Variants in LARGE1 observed in about 807,000 individuals in gnomAD.
The protein encoded by LARGE1 is LARGE xylosyl- and glucuronyltransferase 1.
In LARGE1, 43 loss-of-function variants were observed where a neutral mutation model predicts 87.6. The observed-to-expected ratio is 0.49, with a 90% CI of 0.38 to 0.63. The LOEUF is 0.63. Among genes scored for constraint, LARGE1 ranks in the 30% least tolerant of loss-of-function variants. The pLI is 0.00. For synonymous variants in LARGE1, 434 were observed against 394.6 expected, an observed-to-expected ratio of 1.10 and a Z score of -1.18; for missense variants, 802 against 1,000.2, an observed-to-expected ratio of 0.80 and a Z score of 2.67.
At chr22:33,092,927 T>G in the LARGE1 span, among the ~76,000 whole-genome samples, 46 of 152,208 alleles carry the variant, frequency 3.0e-4, no homozygotes, top group Non-Finnish European at 8.8e-5. Context: ...AGTGCTGCAG[T>G]GAACATATGC....
rs1922833243 is a variant in LARGE1, at chr22:33,175,770, C to CCATTGA, written c.1731-8944_1731-8939dup. 5.3e-5 allele frequency among the ~76,000 whole-genome samples: 8 copies of CCATTGA among 152,282 alleles called. No individual in the cohort carries two copies. The South Asian group carries it at 1.7e-3, about 32-fold the overall frequency. On this transcript the variant is annotated intron_variant, in intron 11 of 11. Transcript: ENST00000608642. ...ATTCAATGCTATCCCCATCAAGTTA[C>CCATTGA]CATTGACTTTTTTCACAGAATTGGA...
At chr22:33,502,397 T>C (rs932520789) in intron 6 of LARGE1, among the ~76,000 whole-genome samples, 4 of 152,046 alleles carry the variant, frequency 2.6e-5, no homozygotes, top group Non-Finnish European at 2.9e-5. Context: ...GGGAGAATTA[T>C]TTGCTCTGAA....
chr22:33,688,554 T>C (rs1317075604), intron 2 of LARGE1, among the ~76,000 whole-genome samples: 1 of 152,184 alleles, frequency 6.6e-6, no homozygotes, highest in Non-Finnish European at 1.5e-5. Context: ...TTTCTCCATG[T>C]TGTTCATGTT....
At chr22:33,320,885 T>C (rs1345232345) in intron 10 of LARGE1, 1 of 152,184 alleles carries the variant, frequency 6.6e-6, no homozygotes, top group Non-Finnish European at 1.5e-5. Flanking sequence ...CATCCAACAG[T>C]TGAGAAGGGT....
chr22:33,233,545 A>G (rs926621531), intron 11 of LARGE1, among the ~76,000 whole-genome samples: 17 of 152,024 alleles, frequency 1.1e-4, no homozygotes, highest in Non-Finnish European at 2.5e-4. Flanking sequence ...GGGGCCTCAG[A>G]CCATGGAGAA....
intron 5 of LARGE1, among the ~76,000 whole-genome samples, chr22:33,565,461 A>C (rs553607615): frequency 2.4e-4 from 37 of 152,374 alleles, no homozygotes; most frequent in African/African-American, 8.9e-4. Context: ...ACGTGTCATT[A>C]AAGATTAGTG....
the LARGE1 span, among the ~76,000 whole-genome samples, chr22:33,088,550 A>T: frequency 6.6e-5 from 10 of 152,204 alleles, no homozygotes; most frequent in Non-Finnish European, 1.2e-4. Flanking sequence ...CATAGGAAGC[A>T]GGATGGCTTT....
intron 7 of LARGE1, among the ~76,000 whole-genome samples, chr22:33,430,372 G>A (rs1020404393): frequency 6.6e-6 from 1 of 152,154 alleles, no homozygotes; most frequent in Non-Finnish European, 1.5e-5. Flanking sequence ...AATACCTCCT[G>A]ACCTGCTAAG....
the LARGE1 span, among the ~76,000 whole-genome samples, chr22:33,086,736 A>G: frequency 1.3e-5 from 2 of 151,804 alleles, no homozygotes; most frequent in Non-Finnish European, 2.9e-5. Flanking sequence ...CATTTTTAGT[A>G]GAGACAGGGT....
chr22:33,572,782 A>C (rs2078244233), intron 5 of LARGE1, among the ~76,000 whole-genome samples: 1 of 152,114 alleles, frequency 6.6e-6, no homozygotes, highest in South Asian at 2.1e-4. Context: ...AGTCAGGAGA[A>C]TCCCTTGAGC....
intron 6 of LARGE1, among the ~76,000 whole-genome samples, chr22:33,547,183 C>T (rs2077384211): frequency 6.6e-6 from 1 of 151,144 alleles, no homozygotes; most frequent in African/African-American, 2.4e-5. Flanking sequence ...CTTTTTGGCA[C>T]TAGTGACCAG....
intron 1 of LARGE1, among the ~76,000 whole-genome samples, chr22:33,774,698 A>C (rs77633467): frequency 0.037 from 5,628 of 152,294 alleles, 312 homozygotes; most frequent in African/African-American, 0.13. Flanking sequence ...AGTATGCTTA[A>C]TATATTAGCA....
intron 6 of LARGE1, among the ~76,000 whole-genome samples, chr22:33,511,961 G>C (rs2071078296): frequency 6.6e-6 from 1 of 152,166 alleles, no homozygotes; most frequent in African/African-American, 2.4e-5. Flanking sequence ...GCCCAGGAAA[G>C]GGAACTGTTT....
chr22:33,269,968 A>G (rs977384651), downstream of LARGE1, among the ~76,000 whole-genome samples: 7 of 150,692 alleles, frequency 4.6e-5, no homozygotes, highest in South Asian at 2.1e-4. Flanking sequence ...TCGCGCCACT[A>G]CACTCCAGCC....
chr22:33,636,238 T>C (rs898542636), intron 3 of LARGE1, among the ~76,000 whole-genome samples: 1 of 152,038 alleles, frequency 6.6e-6, no homozygotes, highest in Non-Finnish European at 1.5e-5. Context: ...ATATCTGGGG[T>C]AGGTGGGTTA....
In LARGE1 at chr22:33,591,108, G is replaced by T. The variant is rs554662388; in HGVS notation, c.615+13327C>A. 1.8e-4 allele frequency among the ~76,000 whole-genome samples: 28 copies of T among 152,324 alleles called. No individual in the cohort carries two copies. The South Asian group carries it at 3.3e-3, about 18-fold the overall frequency. ...TCCAGCTATTCGGGAGGCTGAGGCAGAAGAATCGCTTGAACCCGCGAGGCG... is the reference window on the plus strand; with the variant it reads ...TCCAGCTATTCGGGAGGCTGAGGCATAAGAATCGCTTGAACCCGCGAGGCG... On this transcript the variant is annotated intron_variant, in intron 5 of 14. Transcript: ENST00000397394.
chr22:33,782,342 T>C (rs570419639), intron 1 of LARGE1, among the ~76,000 whole-genome samples: 1 of 151,352 alleles, frequency 6.6e-6, no homozygotes, highest in African/African-American at 2.4e-5. Flanking sequence ...AAGAGGAGAG[T>C]GGCAGTGACT....
rs796958690 is a variant in LARGE1, at chr22:33,370,189, T to C, written c.1131+11730A>G. Among the ~76,000 whole-genome samples the C allele has an allele frequency of 9.2e-5, 14 of 152,268 alleles. No individual in the cohort carries two copies. The East Asian group carries it at 2.5e-3, about 27-fold the overall frequency. On this transcript the variant is annotated intron_variant, in intron 9 of 14. Transcript: ENST00000397394. ...TCAGAACAGTAATATAAGGTATCTC[T>C]TTCCAGCATAAAAACTGTTGTGTCT...
intron 6 of LARGE1, among the ~76,000 whole-genome samples, chr22:33,476,906 G>A (rs1268248475): frequency 6.6e-6 from 1 of 152,122 alleles, no homozygotes; most frequent in Non-Finnish European, 1.5e-5. Context: ...GACATGACTC[G>A]GATGTGAGTC....
Sources: allele counts gnomAD v4.1 joint callset (sites outside exome capture counted in the v4.1 genomes callset), GRCh38; gene constraint gnomAD v4.1.1; transcripts MANE v1.5; gene names NCBI Gene and HGNC (gene_info 2026-07-23, HGNC 2026-07-21).